The following SYCP2 variants were observed in gnomAD, a reference collection of about 807,000 sequenced individuals.
SYCP2 encodes the protein synaptonemal complex lateral element protein.
Under a neutral mutation model 211.3 loss-of-function variants are expected in SYCP2, and 55 were observed. The observed-to-expected ratio is 0.26, with a 90% CI of 0.21 to 0.33. The LOEUF (loss-of-function observed/expected upper bound fraction) is 0.33, where lower values mean the gene tolerates loss of function less well. SYCP2 is among the 10% of genes least tolerant of loss of function. The pLI is 1.00. For synonymous variants in SYCP2, 570 were observed against 555.2 expected (o/e 1.03, Z -0.37); for missense variants, 1,731 against 1,752.0 (o/e 0.99, Z 0.21).
chr20:59,876,458 C>T (rs6100634), intron 33 of SYCP2, among the ~76,000 whole-genome samples: 17,573 of 128,786 alleles, frequency 0.14, 2,414 homozygotes, highest in African/African-American at 0.37. Context: ...GTCTTTAAAG[C>T]ATTTTGGGTA....
chr20:59,900,727 G>T lies in SYCP2; in HGVS notation c.1257+17C>A. 6.2e-7 allele frequency: 1 copy of T among 1,606,338 alleles called. No individual in the cohort carries two copies. Among genetic ancestry groups the T allele is most frequent in the Non-Finnish European group, 8.5e-7 (1 of 1,174,526 alleles). On this transcript the variant is annotated intron_variant, in intron 17 of 44. Transcript: ENST00000357552. ...AACTTAGCCCAGTGATAAAAATCAA[G>T]TAAGTCTGAGACATACCTGTGATCC...
chr20:59,928,835 A>G (rs1395244015), intron 2 of SYCP2, among the ~76,000 whole-genome samples: 1 of 152,164 alleles, frequency 6.6e-6, no homozygotes, highest in East Asian at 1.9e-4. Context: ...ATGAATGTAA[A>G]AAGTAAATGT....
At chr20:59,915,634 A>G in intron 8 of SYCP2, 84 bp from the exon 9 acceptor site, 2 of 872,410 alleles carry the variant, frequency 2.3e-6, no homozygotes, top group Non-Finnish European at 3.7e-6. Flanking sequence ...ATAAACTTAG[A>G]AGCCTAATTT....
rs1315361744 is a variant in SYCP2 at position 59,912,083 on chromosome 20, G to C, written c.877-238C>G. ...ATGAATATTCCAAGTGCTAATAAAGGTTGAAAGTACTAGTTTGAATAGATT... is the reference window on the plus strand; with the variant it reads ...ATGAATATTCCAAGTGCTAATAAAGCTTGAAAGTACTAGTTTGAATAGATT... On this transcript the variant is annotated intron_variant, in intron 13 of 44. Coordinates refer to ENST00000357552, the MANE Select transcript of SYCP2 (RefSeq NM_014258.4). 8 of 395,572 alleles carry C rather than the reference G, an allele frequency of 2.0e-5. No individual in the cohort carries two copies. In the South Asian group the frequency reaches 4.3e-4, roughly 21 times the overall value. The allele number at this position is 395,572 out of a possible 1,614,324, so 24.5% of individuals were successfully genotyped here.
At position 59,881,561 on chromosome 20, in the gene SYCP2, A is replaced by G. The variant is rs547626826; in HGVS notation, c.2659-69T>C. ...ATAAAAAAGATTAAAAGGAATAAAC[A>G]TAAAATCTAGTTTTGCTTCACAAAA... On this transcript the variant is annotated intron_variant, in intron 28 of 44. Transcript: ENST00000357552. The G allele has an allele frequency of 7.0e-5, 54 of 771,646 alleles. No homozygotes were observed. The South Asian group carries it at 1.1e-3, about 15-fold the overall frequency. 47.8% of individuals were successfully genotyped at this position (771,646 alleles called of 1,614,324 possible).
intron 37 of SYCP2, 84 bp downstream of exon 37, chr20:59,868,751 C>G: frequency 7.4e-7 from 1 of 1,347,860 alleles, no homozygotes; most frequent in Admixed American, 2.3e-5. Context: ...AACGGTATGA[C>G]TTAAAATACA....
chr20:59,882,308 A>G lies in SYCP2; in HGVS notation c.2530-143T>C, dbSNP rs1046346996. 1.4e-5 allele frequency: 9 copies of G among 666,356 alleles called. No individual in the cohort carries two copies. The African/African-American group carries it at 1.5e-4, about 11-fold the overall frequency. The allele number at this position is 666,356 out of a possible 1,614,324, so 41.3% of individuals were successfully genotyped here. On this transcript the variant is annotated intron_variant, in intron 26 of 44. Transcript: ENST00000357552. ...ATGGCTTGTACCAAAAAGACAGGCAATAACAGATGCTAGTGAGGATGTGGG... is the reference window on the plus strand; with the variant it reads ...ATGGCTTGTACCAAAAAGACAGGCAGTAACAGATGCTAGTGAGGATGTGGG...
Position 59,866,476 on chromosome 20 carries a change from AC to A in SYCP2, c.4220+18del, listed in dbSNP as rs1409997106. On this transcript the variant is annotated intron_variant, in intron 40 of 44. Transcript: ENST00000357552. ...TATGTAGCATTCAAAAGTTTTCAGA[AC>A]AGATTTTTATTACAGACCTAGAGTC... 1 of 1,596,318 alleles carries A rather than the reference AC, an allele frequency of 6.3e-7. No homozygotes were observed. Among genetic ancestry groups the A allele is most frequent in the Non-Finnish European group, 8.5e-7 (1 of 1,170,420 alleles).
At chr20:59,894,023 G>A (rs1447004804) in intron 20 of SYCP2, among the ~76,000 whole-genome samples, 7 of 151,908 alleles carry the variant, frequency 4.6e-5, no homozygotes, top group African/African-American at 1.4e-4. Context: ...GACGATTTTT[G>A]TTTAGCTAAG....
At chr20:59,877,361 T>C (rs765319674) in intron 33 of SYCP2, 24 bp downstream of exon 33, 1 of 1,443,660 alleles carries the variant, frequency 6.9e-7, no homozygotes. Context: ...CTTTTAGAAA[T>C]TAATCTGAAC....
intron 16 of SYCP2, 44 bp from the exon 17 acceptor site, chr20:59,900,862 CT>C (rs2060103219): frequency 7.4e-7 from 1 of 1,352,022 alleles, no homozygotes; most frequent in Non-Finnish European, 1.0e-6. Flanking sequence ...TCTTCATTTT[CT>C]TTCCACTTTT....
chr20:59,924,052 C>T (rs1238228521), intron 2 of SYCP2, among the ~76,000 whole-genome samples: 2 of 151,906 alleles, frequency 1.3e-5, no homozygotes, highest in Non-Finnish European at 2.9e-5. Flanking sequence ...CAAGATCACT[C>T]CCACCTTCAT....
intron 34 of SYCP2, among the ~76,000 whole-genome samples, chr20:59,874,938 CTCA>C (rs1260538376): frequency 1.3e-5 from 2 of 151,726 alleles, no homozygotes; most frequent in African/African-American, 4.8e-5. Flanking sequence ...TCCAAAAATT[CTCA>C]TGTTATTAAA....
intron 16 of SYCP2, 74 bp from the exon 17 acceptor site, chr20:59,900,892 C>A: frequency 9.1e-7 from 1 of 1,095,404 alleles, no homozygotes; most frequent in East Asian, 2.5e-5. Flanking sequence ...CATTTTATTT[C>A]CATTTAATGT....
In SYCP2 at chr20:59,864,112, A is replaced by C. The variant is rs1289393040; in HGVS notation, c.*199T>G. ...TAAAAAAAAATATTGTATAGACAGA[A>C]GTCTTCTGGGCTTGGACTCATGTTA... is the stretch of plus-strand genomic sequence containing the variant. On this transcript the variant is annotated 3_prime_UTR_variant, in exon 45 of 45. Transcript: ENST00000357552. 1 of 371,752 alleles carries C rather than the reference A, an allele frequency of 2.7e-6. No individual in the cohort carries two copies. The highest frequency in any genetic ancestry group is 4.9e-6 in the Non-Finnish European group (1 of 202,958). 23.0% of individuals were successfully genotyped at this position (371,752 alleles called of 1,614,324 possible).
chr20:59,915,351 A>T, intron 9 of SYCP2, 114 bp downstream of exon 9: 1 of 971,172 alleles, frequency 1.0e-6, no homozygotes, highest in Non-Finnish European at 1.6e-6. Context: ...AAATTATATT[A>T]AAAAGCTGCA....
intron 18 of SYCP2, 63 bp downstream of exon 18, chr20:59,900,075 C>G: frequency 1.3e-6 from 2 of 1,500,052 alleles, no homozygotes; most frequent in South Asian, 2.3e-5. Context: ...TTTCAGTACT[C>G]ATATATAACA....
chr20:59,901,003 A>G (rs1012570898), intron 16 of SYCP2, among the ~76,000 whole-genome samples, 185 bp from the exon 17 acceptor site: 1 of 152,034 alleles, frequency 6.6e-6, no homozygotes, highest in African/African-American at 2.4e-5. Context: ...CCCTTTAACC[A>G]GTCACCTTAG....
chr20:59,864,934 G>A (rs2145574166), intron 44 of SYCP2, among the ~76,000 whole-genome samples: 1 of 152,076 alleles, frequency 6.6e-6, no homozygotes, highest in South Asian at 2.1e-4. Context: ...CCAGAATGCA[G>A]CTGCTGGTCT....
Sources: allele counts gnomAD v4.1 joint callset (sites outside exome capture counted in the v4.1 genomes callset), GRCh38; gene constraint gnomAD v4.1.1; transcripts MANE v1.5; gene names NCBI Gene and HGNC (gene_info 2026-07-23, HGNC 2026-07-21).